The following SGTB variants were observed in gnomAD, a reference collection of about 807,000 sequenced individuals.
SGTB encodes the protein small glutamine rich tetratricopeptide repeat co-chaperone beta.
Under a neutral mutation model 43.9 loss-of-function variants are expected in SGTB, and 19 were observed. That is an observed-to-expected ratio of 0.43 (90% CI 0.30 to 0.63). SGTB has a LOEUF of 0.63. Ranked by LOEUF, SGTB falls within the 30% of genes least tolerant of loss-of-function variation. SGTB has a pLI of 0.12. For synonymous variants in SGTB, 116 were observed against 117.3 expected (o/e 0.99, Z 0.07); for missense variants, 304 against 358.9 (o/e 0.85, Z 1.24).
intron 5 of SGTB, among the ~76,000 whole-genome samples, chr5:65,702,994 G>A (rs1757852083): frequency 6.6e-6 from 1 of 152,144 alleles, no homozygotes; most frequent in African/African-American, 2.4e-5. Context: ...CAAAGAAGAT[G>A]GGACAGTTTT....
intron 5 of SGTB, among the ~76,000 whole-genome samples, chr5:65,689,734 G>C (rs114756222): frequency 0.015 from 2,304 of 152,174 alleles, 52 homozygotes; most frequent in African/African-American, 0.053. Context: ...AGATTCTAGT[G>C]GGGGCATGGA....
In SGTB at chr5:65,720,695, A is replaced by C. The variant is rs1758253203; in HGVS notation, c.100+13T>G. 1.2e-6 allele frequency: 2 copies of C among 1,607,110 alleles called. No homozygotes were observed. Among genetic ancestry groups the C allele is most frequent in the African/African-American group, 2.7e-5 (2 of 74,478 alleles). On this transcript the variant is annotated intron_variant, in intron 2 of 10. Coordinates refer to ENST00000381007, the MANE Select transcript of SGTB (RefSeq NM_019072.3). ...AATTATAATATAAATGAACACAAAG[A>C]GCAGATGCATACCTTCCAAACTTTC...
At chr5:65,722,204 T>A (rs1260549895), upstream of SGTB, 1 of 342,754 alleles carries the variant, frequency 2.9e-6, no homozygotes, top group Non-Finnish European at 5.1e-6. Flanking sequence ...GCGGGGCTGG[T>A]AGGCGCCGGC....
intron 1 of SGTB, among the ~76,000 whole-genome samples, 199 bp from the exon 2 acceptor site, chr5:65,721,028 T>G (rs1758263356): frequency 6.6e-6 from 1 of 152,244 alleles, no homozygotes; most frequent in Admixed American, 6.5e-5. Context: ...ATTACATATT[T>G]TCATTAATAC....
In SGTB at chr5:65,671,356, T is replaced by C. The variant is rs1581242849; in HGVS notation, c.803+559A>G. 2.0e-5 allele frequency among the ~76,000 whole-genome samples: 3 copies of C among 152,248 alleles called. No individual in the cohort carries two copies. In the East Asian group the frequency reaches 5.8e-4, roughly 29 times the overall value. The stretch of plus-strand genomic sequence containing the variant: ...CCTTGGGACCCTCTGTAAGCAGAGA[T>C]ACAGTATTGATACCCCCACTTAAAA... On this transcript the variant is annotated intron_variant, in intron 10 of 10. Transcript: ENST00000381007.
At chr5:65,682,078 T>C (rs1444269759) in intron 6 of SGTB, among the ~76,000 whole-genome samples, 2 of 151,758 alleles carry the variant, frequency 1.3e-5, no homozygotes, top group African/African-American at 4.8e-5. Flanking sequence ...ATTAAAGGAA[T>C]GAATAGGAGA....
intron 4 of SGTB, among the ~76,000 whole-genome samples, chr5:65,707,669 G>A (rs1433980296): frequency 1.3e-5 from 2 of 152,062 alleles, no homozygotes; most frequent in African/African-American, 4.8e-5. Flanking sequence ...TCCTGACCTT[G>A]TGATCCACCC....
At chr5:65,696,760 C>G (rs1279404437) in intron 5 of SGTB, among the ~76,000 whole-genome samples, 1 of 152,138 alleles carries the variant, frequency 6.6e-6, no homozygotes, top group Non-Finnish European at 1.5e-5. Flanking sequence ...AAAAGCAAAA[C>G]TACATGGTAT....
At chr5:65,670,981 T>C (rs775929568) in intron 10 of SGTB, among the ~76,000 whole-genome samples, 52 of 152,150 alleles carry the variant, frequency 3.4e-4, no homozygotes, top group Middle Eastern at 3.2e-3. Flanking sequence ...GCCAATTTGA[T>C]ATAAGTGAAG....
At chr5:65,720,329 G>A (rs1758239282) in intron 2 of SGTB, among the ~76,000 whole-genome samples, 1 of 151,984 alleles carries the variant, frequency 6.6e-6, no homozygotes, top group Admixed American at 6.6e-5. Flanking sequence ...TGACCTACCT[G>A]CCTCGGCCTC....
At chr5:65,679,741 G>A (rs1247843497) in intron 8 of SGTB, among the ~76,000 whole-genome samples, 1 of 152,198 alleles carries the variant, frequency 6.6e-6, no homozygotes, top group Non-Finnish European at 1.5e-5. Context: ...CAACCATTGT[G>A]GAAGACAGTG....
intron 5 of SGTB, among the ~76,000 whole-genome samples, chr5:65,687,308 T>C (rs1384021341): frequency 6.6e-6 from 1 of 152,224 alleles, no homozygotes; most frequent in Non-Finnish European, 1.5e-5. Context: ...ATTAAAGTTA[T>C]GCTGTATAAG....
chr5:65,698,450 A>T (rs1054486125), intron 5 of SGTB, among the ~76,000 whole-genome samples: 1 of 152,198 alleles, frequency 6.6e-6, no homozygotes. Context: ...TGCACTAGGA[A>T]ATTTGCTCAA....
intron 5 of SGTB, among the ~76,000 whole-genome samples, chr5:65,693,311 AGG>A (rs968501519): frequency 8.7e-5 from 13 of 149,800 alleles, no homozygotes; most frequent in African/African-American, 2.9e-4. Context: ...TGAATCAAGA[AGG>A]AAAGAGAGAA....
intron 3 of SGTB, among the ~76,000 whole-genome samples, 189 bp downstream of exon 3, chr5:65,712,772 T>C (rs991420804): frequency 6.6e-6 from 1 of 152,188 alleles, no homozygotes; most frequent in African/African-American, 2.4e-5. Flanking sequence ...TAGTTATCAA[T>C]ATGAAAATCT....
chr5:65,706,873 A>G (rs1263892032), intron 4 of SGTB, among the ~76,000 whole-genome samples: 2 of 152,130 alleles, frequency 1.3e-5, no homozygotes, highest in Non-Finnish European at 2.9e-5. Flanking sequence ...TGACAAAAAT[A>G]TCAAAGACAG....
chr5:65,672,788 G>A (rs28342), intron 8 of SGTB, among the ~76,000 whole-genome samples: 48,220 of 151,926 alleles, frequency 0.32, 7,915 homozygotes, highest in African/African-American at 0.36. Flanking sequence ...TGGTAATGTC[G>A]ACAATATTTA....
intron 8 of SGTB, among the ~76,000 whole-genome samples, chr5:65,676,840 T>C (rs1757274246): frequency 6.6e-6 from 1 of 151,940 alleles, no homozygotes; most frequent in Non-Finnish European, 1.5e-5. Context: ...AAGAAAGAAA[T>C]TTATAGCACT....
At chr5:65,698,099 A>G (rs573389421) in intron 5 of SGTB, among the ~76,000 whole-genome samples, 1 of 152,310 alleles carries the variant, frequency 6.6e-6, no homozygotes, top group East Asian at 1.9e-4. Context: ...ATCTGATGGT[A>G]GCTGGGATTA....
Sources: allele counts gnomAD v4.1 joint callset (sites outside exome capture counted in the v4.1 genomes callset), GRCh38; gene constraint gnomAD v4.1.1; transcripts MANE v1.5; gene names NCBI Gene and HGNC (gene_info 2026-07-23, HGNC 2026-07-21).